SCN8A: variants seen among roughly 807,000 people sequenced by gnomAD.
SCN8A encodes sodium channel protein type 8 subunit alpha.
SCN8A carries 30 observed loss-of-function variants against 184.1 expected under a neutral mutation model. That is an observed-to-expected ratio of 0.16 (90% CI 0.12 to 0.22). The LOEUF (loss-of-function observed/expected upper bound fraction) is 0.22, where lower values mean the gene tolerates loss of function less well. Among genes scored for constraint, SCN8A ranks in the 10% least tolerant of loss-of-function variants. The pLI, the probability that SCN8A is intolerant of heterozygous loss-of-function variation, is 1.00. For missense variants in SCN8A, 1,057 were observed against 2,498.9 expected, an observed-to-expected ratio of 0.42 and a Z score of 12.30; for synonymous variants, 852 against 907.0, an observed-to-expected ratio of 0.94 and a Z score of 1.09.
At position 51,734,048 on chromosome 12, in the gene SCN8A, A is replaced by G. The variant is rs377716007; in HGVS notation, c.1999-11855A>G. 3.0e-4 allele frequency among the ~76,000 whole-genome samples: 46 copies of G among 151,540 alleles called. 1 individual carries two copies. The South Asian group carries it at 8.7e-3, about 29-fold the overall frequency. ...ACCTCTTGTTTCATTGATCTTTTGT[A>G]TTTTCTTCATTCCACATTCATTTAT... On this transcript the variant is annotated intron_variant, in intron 12 of 26. Transcript: ENST00000627620.
At chr12:51,804,100 G>C (rs1231049076) in intron 26 of SCN8A, among the ~76,000 whole-genome samples, 1 of 152,178 alleles carries the variant, frequency 6.6e-6, no homozygotes, top group African/African-American at 2.4e-5. Flanking sequence ...CTTCCCTTCG[G>C]TTGTCATTTC....
At chr12:51,722,217 CCTTT>C (rs1398366643) in intron 12 of SCN8A, 4 of 494,420 alleles carry the variant, frequency 8.1e-6, no homozygotes, top group African/African-American at 2.0e-5. Context: ...TCAACTCCTT[CCTTT>C]ATTTTACCGT....
At chr12:51,804,320 C>A (rs186560722) in intron 26 of SCN8A, among the ~76,000 whole-genome samples, 11 of 151,958 alleles carry the variant, frequency 7.2e-5, no homozygotes, top group Non-Finnish European at 1.5e-4. Flanking sequence ...TTTTCTTTTT[C>A]TCTTTTCTTT....
intron 13 of SCN8A, among the ~76,000 whole-genome samples, chr12:51,750,273 C>T (rs1942576172): frequency 6.6e-6 from 1 of 151,960 alleles, no homozygotes; most frequent in Non-Finnish European, 1.5e-5. Context: ...TATTGGGGGT[C>T]ATGTGAGATC....
intron 2 of SCN8A, among the ~76,000 whole-genome samples, chr12:51,673,288 TG>T (rs1941164117): frequency 6.6e-6 from 1 of 152,224 alleles, no homozygotes; most frequent in South Asian, 2.1e-4. Flanking sequence ...AATTTACTGA[TG>T]TGCATAGGTT....
rs911983985 is a variant in SCN8A, at chr12:51,634,027, T to C, written c.-54-28737T>C. On this transcript the variant is annotated intron_variant, in intron 1 of 26. Transcript: ENST00000627620. ...AGAATGATGATGGTAACATTGTTGATGATAGCACATAGTTGTTGGAAACAA... is the reference window on the plus strand; with the variant it reads ...AGAATGATGATGGTAACATTGTTGACGATAGCACATAGTTGTTGGAAACAA... 5.9e-5 allele frequency among the ~76,000 whole-genome samples: 9 copies of C among 152,166 alleles called. No homozygotes were observed. In the East Asian group the frequency reaches 1.3e-3, roughly 23 times the overall value.
intron 26 of SCN8A, among the ~76,000 whole-genome samples, chr12:51,799,911 T>A: frequency 6.6e-6 from 1 of 152,214 alleles, no homozygotes; most frequent in Non-Finnish European, 1.5e-5. Context: ...GGTCCCTGAA[T>A]TTTAGTCTGA....
At chr12:51,803,875 G>A (rs1160418556) in intron 26 of SCN8A, among the ~76,000 whole-genome samples, 2 of 152,264 alleles carry the variant, frequency 1.3e-5, no homozygotes, top group East Asian at 1.9e-4. Context: ...TGACCCGCTC[G>A]CTGAACTTAC....
chr12:51,721,489 G>T, intron 11 of SCN8A, 57 bp from the exon 12 acceptor site: 1 of 1,511,260 alleles, frequency 6.6e-7, no homozygotes, highest in Non-Finnish European at 8.9e-7. Flanking sequence ...CAGTATAAAG[G>T]TCCACACTCC....
Position 51,769,285 on chromosome 12 carries a change from C to G in SCN8A, c.3322C>G (p.Leu1108Val). The change falls in exon 17 of 27, where the codon CTC becomes GTC. Residue 1108 changes from leucine to valine, a missense_variant. Leu to Val is a conservative substitution (Grantham distance 32). Around this residue, in one of 19 missense-constraint regions of SCN8A, gnomAD observed 178 missense variants for 259.6 expected, o/e 0.69. Coordinates refer to ENST00000627620, the MANE Select transcript of SCN8A (RefSeq NM_001330260.2). ...IAVGESDFEN[L>V]NTEDVSSESD... is the part of the protein sequence containing the mutation. ...TGTGGGCGAGTCTGACTTTGAGAAC[C>G]TCAACACAGAGGATGTTAGCAGCGA... The G allele has an allele frequency of 6.2e-7, 1 of 1,608,952 alleles. No individual in the cohort carries two copies. The highest frequency in any genetic ancestry group is 8.5e-7 in the Non-Finnish European group (1 of 1,175,906).
rs766163250 is a variant in SCN8A at position 51,745,982 on chromosome 12, G to A, written c.2078G>A (p.Arg693Gln). ...ATGGACCAATTAGCCTCCTACGGGCGGAAGGACAGAATCAACAGTATAATG... is the reference window on the plus strand; with the variant it reads ...ATGGACCAATTAGCCTCCTACGGGCAGAAGGACAGAATCAACAGTATAATG... ...VSMDQLASYG[R>Q]KDRINSIMSV... The change falls in exon 13 of 27, where the codon CGG (arginine) becomes CAG (glutamine). Residue 693 changes from arginine to glutamine, a missense_variant. Transcript: ENST00000627620. 11 of 1,611,252 alleles carry A rather than the reference G, an allele frequency of 6.8e-6. No individual in the cohort carries two copies. The highest frequency in any genetic ancestry group is 1.7e-5 in the Admixed American group (1 of 59,798).
intron 2 of SCN8A, among the ~76,000 whole-genome samples, chr12:51,664,477 G>A (rs907948280): frequency 6.6e-6 from 1 of 151,814 alleles, no homozygotes; most frequent in African/African-American, 2.4e-5. Flanking sequence ...CAAAATGCTG[G>A]GATTACAGGT....
chr12:51,635,991 T>G (rs1202276639), intron 1 of SCN8A, among the ~76,000 whole-genome samples: 1 of 152,084 alleles, frequency 6.6e-6, no homozygotes, highest in African/African-American at 2.4e-5. Flanking sequence ...ACCCAGAGTT[T>G]TTGTTTTTGT....
intron 12 of SCN8A, among the ~76,000 whole-genome samples, chr12:51,733,465 G>A (rs1470829017): frequency 6.6e-6 from 1 of 152,036 alleles, no homozygotes; most frequent in Non-Finnish European, 1.5e-5. Flanking sequence ...CTAGTATTTT[G>A]TTGGGGTTTT....
intron 11 of SCN8A, among the ~76,000 whole-genome samples, chr12:51,708,470 C>G (rs543977246): frequency 1.4e-4 from 21 of 152,276 alleles, no homozygotes; most frequent in Non-Finnish European, 2.6e-4. Flanking sequence ...CATTTAATTT[C>G]CCATTTTAAA....
chr12:51,665,633 T>G (rs1410486239), intron 2 of SCN8A, among the ~76,000 whole-genome samples: 1 of 152,206 alleles, frequency 6.6e-6, no homozygotes, highest in African/African-American at 2.4e-5. Context: ...GTGCTGATAC[T>G]TCTATAGGGG....
At chr12:51,687,409 A>T (rs1177415659) in intron 5 of SCN8A, among the ~76,000 whole-genome samples, 190 bp downstream of exon 5, 2 of 152,126 alleles carry the variant, frequency 1.3e-5, no homozygotes, top group African/African-American at 2.4e-5. Context: ...TCAGGCGATG[A>T]TAATGTGATT....
At chr12:51,710,823 G>T (rs143215991) in intron 11 of SCN8A, among the ~76,000 whole-genome samples, 15 of 151,970 alleles carry the variant, frequency 9.9e-5, no homozygotes, top group Non-Finnish European at 1.9e-4. Context: ...TTATCTTTCT[G>T]TTATGTTTTA....
intron 19 of SCN8A, among the ~76,000 whole-genome samples, chr12:51,772,675 C>T (rs1281085900): frequency 6.6e-6 from 1 of 151,898 alleles, no homozygotes; most frequent in South Asian, 2.1e-4. Context: ...CCCTGTCCCC[C>T]CCACTGCCTG....
Sources: gnomAD v4.1 joint callset for allele counts (sites outside exome capture counted in the v4.1 genomes callset) on GRCh38, gnomAD v4.1.1 for gene constraint, gnomAD v4.1.1 regional missense constraint, MANE v1.5 for transcripts, NCBI Gene and HGNC (gene_info 2026-07-23, HGNC 2026-07-21) for gene names.